EPB41L4A: variants seen among roughly 807,000 people sequenced by gnomAD.
EPB41L4A encodes the protein erythrocyte membrane protein band 4.1 like 4A.
A neutral mutation model predicts 108.6 loss-of-function variants in EPB41L4A; 100 were observed. The ratio of observed to expected loss-of-function variants is 0.92; its 90% confidence interval spans 0.78 to 1.09. The LOEUF (loss-of-function observed/expected upper bound fraction) is 1.09. EPB41L4A is among the 50% of genes least tolerant of loss of function. The pLI is 0.00. For missense variants in EPB41L4A, 1,030 were observed against 842.7 expected (o/e 1.22, Z -2.75); for synonymous variants, 319 against 289.0 (o/e 1.10, Z -1.05).
intron 1 of EPB41L4A, among the ~76,000 whole-genome samples, chr5:112,327,793 G>C (rs533440913): frequency 6.6e-6 from 1 of 152,020 alleles, no homozygotes; most frequent in Non-Finnish European, 1.5e-5. Flanking sequence ...TAAACATCTC[G>C]CAAGTAACAG....
intron 1 of EPB41L4A, among the ~76,000 whole-genome samples, chr5:112,325,070 T>C (rs1756055586): frequency 6.6e-6 from 1 of 152,200 alleles, no homozygotes; most frequent in South Asian, 2.1e-4. Context: ...TAAAATCCCC[T>C]AATTTGGATG....
At position 112,310,911 on chromosome 5, in the gene EPB41L4A, G is replaced by T. The variant is rs575929616; in HGVS notation, c.100-3421C>A. ...GAGTTTAGGATTAATTCACAGAGTA[G>T]CTCCCAAGAGTAAGGGAGTATCCAA... On this transcript the variant is annotated intron_variant, in intron 1 of 22. Coordinates refer to ENST00000261486, the MANE Select transcript of EPB41L4A (RefSeq NM_022140.5). 1.2e-3 allele frequency among the ~76,000 whole-genome samples: 190 copies of T among 152,258 alleles called. 1 individual carries two copies. Among genetic ancestry groups the T allele is most frequent in the Non-Finnish European group, 2.1e-3 (142 of 68,020 alleles).
chr5:112,410,378 C>A (rs962071355), intron 1 of EPB41L4A, among the ~76,000 whole-genome samples: 4 of 152,164 alleles, frequency 2.6e-5, no homozygotes, highest in African/African-American at 4.8e-5. Context: ...ACTCTAGATG[C>A]AGGTGGTTAA....
intron 17 of EPB41L4A, among the ~76,000 whole-genome samples, chr5:112,190,661 T>C (rs1456907239): frequency 6.6e-6 from 1 of 152,172 alleles, no homozygotes; most frequent in East Asian, 1.9e-4. Context: ...CATTTGATCT[T>C]TACAGTAACT....
intron 12 of EPB41L4A, among the ~76,000 whole-genome samples, chr5:112,218,645 A>T (rs116055251): frequency 0.029 from 4,342 of 152,264 alleles, 218 homozygotes; most frequent in African/African-American, 0.1. Flanking sequence ...ATTTGATGCA[A>T]TTTTAATAGT....
chr5:112,351,200 T>C (rs1345446814), intron 1 of EPB41L4A, among the ~76,000 whole-genome samples: 8 of 152,156 alleles, frequency 5.3e-5, no homozygotes, highest in African/African-American at 1.9e-4. Context: ...AAGTTGGTTT[T>C]TTAAAAAGGT....
intron 1 of EPB41L4A, among the ~76,000 whole-genome samples, chr5:112,413,450 G>C (rs556346484): frequency 6.6e-6 from 1 of 152,172 alleles, no homozygotes; most frequent in Non-Finnish European, 1.5e-5. Flanking sequence ...GCCTATTCCA[G>C]CTGTAACACT....
At chr5:112,283,109 A>G (rs954077517) in intron 2 of EPB41L4A, among the ~76,000 whole-genome samples, 4 of 152,210 alleles carry the variant, frequency 2.6e-5, no homozygotes, top group Non-Finnish European at 5.9e-5. Context: ...TGAGAGGTGA[A>G]AAAAGTAAAA....
chr5:112,336,622 G>A (rs547927305), intron 1 of EPB41L4A, among the ~76,000 whole-genome samples: 42 of 152,306 alleles, frequency 2.8e-4, no homozygotes, highest in Non-Finnish European at 5.6e-4. Context: ...TTACCACTGA[G>A]TGGATCCAAA....
intron 1 of EPB41L4A, among the ~76,000 whole-genome samples, chr5:112,350,033 A>G (rs1199405003): frequency 6.6e-6 from 1 of 152,230 alleles, no homozygotes; most frequent in African/African-American, 2.4e-5. Flanking sequence ...AACTGTTGCC[A>G]TGACAGAAAT....
chr5:112,360,764 G>A (rs948613802), intron 1 of EPB41L4A, among the ~76,000 whole-genome samples: 1 of 152,076 alleles, frequency 6.6e-6, no homozygotes, highest in African/African-American at 2.4e-5. Context: ...CCTCTTCCCG[G>A]TCGTCATCCC....
At chr5:112,415,168 CTTG>C (rs1320044570) in intron 1 of EPB41L4A, among the ~76,000 whole-genome samples, 1 of 152,064 alleles carries the variant, frequency 6.6e-6, no homozygotes, top group African/African-American at 2.4e-5. Context: ...TCGCCTTATG[CTTG>C]TTTTCCTAGC....
At chr5:112,178,363 G>T (rs911953290) in intron 18 of EPB41L4A, among the ~76,000 whole-genome samples, 8 of 152,114 alleles carry the variant, frequency 5.3e-5, no homozygotes, top group Admixed American at 5.2e-4. Flanking sequence ...CACTGTTGTA[G>T]ATTTTAACAT....
intron 12 of EPB41L4A, among the ~76,000 whole-genome samples, chr5:112,156,353 T>C (rs1245255582): frequency 7.2e-5 from 11 of 152,204 alleles, no homozygotes; most frequent in African/African-American, 2.6e-4. Flanking sequence ...GTCTCTAAGC[T>C]AGGGGCCCAA....
chr5:112,282,537 A>G (rs1170620756), intron 2 of EPB41L4A, among the ~76,000 whole-genome samples: 1 of 149,890 alleles, frequency 6.7e-6, no homozygotes, highest in East Asian at 1.9e-4. Context: ...AAATTTCACA[A>G]GGCTAAAATC....
intron 9 of EPB41L4A, among the ~76,000 whole-genome samples, chr5:112,254,166 T>C (rs1168694432): frequency 6.6e-6 from 1 of 152,234 alleles, no homozygotes; most frequent in Non-Finnish European, 1.5e-5. Flanking sequence ...TTCACAAGTG[T>C]GCTTACTACA....
chr5:112,368,336 C>A (rs924419842), intron 1 of EPB41L4A, among the ~76,000 whole-genome samples: 1 of 152,080 alleles, frequency 6.6e-6, no homozygotes, highest in African/African-American at 2.4e-5. Flanking sequence ...GTATGTGTGA[C>A]GCCACTCCCT....
chr5:112,158,644 A>C (rs1759733248), downstream of EPB41L4A, among the ~76,000 whole-genome samples: 1 of 152,206 alleles, frequency 6.6e-6, no homozygotes, highest in Admixed American at 6.5e-5. Flanking sequence ...GCCTCAGGAA[A>C]CTTACAATCA....
intron 2 of EPB41L4A, among the ~76,000 whole-genome samples, chr5:112,302,144 T>C (rs943121523): frequency 2.6e-5 from 4 of 152,144 alleles, no homozygotes; most frequent in African/African-American, 9.6e-5. Flanking sequence ...ACCAAAGATC[T>C]GGATCTACTA....
Sources: allele counts gnomAD v4.1 joint callset (sites outside exome capture counted in the v4.1 genomes callset), GRCh38; gene constraint gnomAD v4.1.1; transcripts MANE v1.5; gene names NCBI Gene and HGNC (gene_info 2026-07-23, HGNC 2026-07-21).